The following KSR1 variants were observed in gnomAD, a reference collection of about 807,000 sequenced individuals.
KSR1 encodes kinase suppressor of ras.
In KSR1, 35 loss-of-function variants were observed where a neutral mutation model predicts 92.9. The ratio of observed to expected loss-of-function variants is 0.38; its 90% CI spans 0.29 to 0.50. KSR1 has a LOEUF of 0.50. KSR1 is among the 20% of genes least tolerant of loss of function. The pLI, the probability that KSR1 is intolerant of heterozygous loss-of-function variation, is 0.94. For synonymous variants in KSR1, 467 were observed against 472.6 expected (o/e 0.99, Z 0.15); for missense variants, 972 against 1,158.5 (o/e 0.84, Z 2.34).
At chr17:27,542,292 A>G (rs779314585) in intron 1 of KSR1, among the ~76,000 whole-genome samples, 1 of 152,216 alleles carries the variant, frequency 6.6e-6, no homozygotes, top group Non-Finnish European at 1.5e-5. Flanking sequence ...GCCTGCTACT[A>G]TACATGGGAA....
At chr17:27,593,437 G>A (rs2073235568) in intron 9 of KSR1, among the ~76,000 whole-genome samples, 2 of 152,054 alleles carry the variant, frequency 1.3e-5, no homozygotes, top group Non-Finnish European at 2.9e-5. Flanking sequence ...GGCTTAGCGT[G>A]TGCCCCCCCG....
At chr17:27,619,637 A>G (rs2074163963) in intron 19 of KSR1, among the ~76,000 whole-genome samples, 2 of 151,560 alleles carry the variant, frequency 1.3e-5, no homozygotes, top group South Asian at 4.2e-4. Context: ...ACCTCAGGTG[A>G]TCACCCACCT....
chr17:27,595,563 C>A (rs575285667), intron 9 of KSR1, among the ~76,000 whole-genome samples: 1 of 152,182 alleles, frequency 6.6e-6, no homozygotes, highest in Non-Finnish European at 1.5e-5. Context: ...GCCTCCAAAC[C>A]CAGTGCTCTT....
intron 18 of KSR1, among the ~76,000 whole-genome samples, chr17:27,613,674 C>T (rs755334703): frequency 6.6e-6 from 1 of 152,210 alleles, no homozygotes. Context: ...TCCAGGGACC[C>T]TTCTTTATCT....
intron 1 of KSR1, among the ~76,000 whole-genome samples, chr17:27,490,083 G>A (rs1380588126): frequency 6.6e-6 from 1 of 152,184 alleles, no homozygotes; most frequent in Non-Finnish European, 1.5e-5. Context: ...TGGACTCTGG[G>A]ATGGATTGCC....
intron 2 of KSR1, among the ~76,000 whole-genome samples, chr17:27,573,790 C>G (rs1172121342): frequency 2.0e-5 from 3 of 152,142 alleles, no homozygotes; most frequent in Non-Finnish European, 4.4e-5. Context: ...GTCTCTGAGC[C>G]TCAGTAAGAT....
chr17:27,548,978 A>G (rs1177910135), intron 1 of KSR1, among the ~76,000 whole-genome samples: 2 of 152,260 alleles, frequency 1.3e-5, no homozygotes, highest in Admixed American at 1.3e-4. Flanking sequence ...CCAAAAGTTC[A>G]AAATCCAAAA....
intron 1 of KSR1, among the ~76,000 whole-genome samples, chr17:27,462,984 GT>G (rs2019520774): frequency 6.6e-6 from 1 of 152,240 alleles, no homozygotes; most frequent in African/African-American, 2.4e-5. Context: ...GTTTCCCTGT[GT>G]GGGCCATTCA....
chr17:27,614,839 CT>C (rs554144211), intron 18 of KSR1, among the ~76,000 whole-genome samples: 97 of 152,258 alleles, frequency 6.4e-4, no homozygotes, highest in African/African-American at 2.0e-3. Flanking sequence ...AGTTCCCTTT[CT>C]TTTGTCCAGT....
chr17:27,601,140 A>G, intron 10 of KSR1: 2 of 565,596 alleles, frequency 3.5e-6, no homozygotes, highest in South Asian at 2.3e-5. Flanking sequence ...CCTCCAGTGC[A>G]AGCCCCTTTA....
In KSR1 at chr17:27,468,890, G is replaced by A. The variant is rs192337341; in HGVS notation, c.231+12016G>A. 1.2e-3 allele frequency among the ~76,000 whole-genome samples: 189 copies of A among 152,278 alleles called. 1 individual carries two copies. The Middle Eastern group carries it at 0.024, about 19-fold the overall frequency. On this transcript the variant is annotated intron_variant, in intron 1 of 20. Coordinates refer to ENST00000644974, the MANE Select transcript of KSR1 (RefSeq NM_001394583.1). Reference sequence around the variant, plus strand: ...GACTGAGATGAGAGTTTTTAACGAAGCAGGGCCCCCAGACCCAGCGGAATC... The same window carrying A: ...GACTGAGATGAGAGTTTTTAACGAAACAGGGCCCCCAGACCCAGCGGAATC...
chr17:27,559,828 G>A lies in KSR1; in HGVS notation c.372+9120G>A, dbSNP rs909161850. Among the ~76,000 whole-genome samples the A allele has an allele frequency of 2.6e-5, 4 of 152,244 alleles. No individual in the cohort carries two copies. The highest frequency in any genetic ancestry group is 7.2e-5 in the African/African-American group (3 of 41,472). On this transcript the variant is annotated intron_variant, in intron 2 of 20. Transcript: ENST00000644974. The surrounding 1 kb of genome is among the most constrained non-coding windows in gnomAD (Gnocchi z 4.2). ...GGAAATCAGAGCGCTTGTGAAGCGCGTGAGGAGGAGTCTGTGAGGAGGCTG... is the reference window on the plus strand; with the variant it reads ...GGAAATCAGAGCGCTTGTGAAGCGCATGAGGAGGAGTCTGTGAGGAGGCTG...
intron 1 of KSR1, among the ~76,000 whole-genome samples, chr17:27,462,851 A>G (rs2019513234): frequency 6.6e-6 from 1 of 152,198 alleles, no homozygotes; most frequent in Non-Finnish European, 1.5e-5. Flanking sequence ...ACATGTGTAT[A>G]TTTGTGGCAC....
At position 27,612,186 on chromosome 17, in the gene KSR1, A is replaced by T. The variant is rs566172994; in HGVS notation, c.2493+557A>T. On this transcript the variant is annotated intron_variant, in intron 18 of 20. Transcript: ENST00000644974. The stretch of plus-strand genomic sequence containing the variant: ...TAAGTTTTGTCAGGCTAAATAAGAG[A>T]GAGAGGCTCTCAAAAGATGTTTATT... Among the ~76,000 whole-genome samples the T allele has an allele frequency of 7.6e-4, 116 of 152,338 alleles. 1 individual carries two copies. Among genetic ancestry groups the T allele is most frequent in the African/African-American group, 2.7e-3 (113 of 41,586 alleles).
At chr17:27,543,641 T>C (rs1219169644) in intron 1 of KSR1, among the ~76,000 whole-genome samples, 1 of 152,186 alleles carries the variant, frequency 6.6e-6, no homozygotes, top group East Asian at 1.9e-4. Flanking sequence ...GCCAGAGTCA[T>C]ACCCGAGCAG....
intron 1 of KSR1, among the ~76,000 whole-genome samples, chr17:27,502,346 C>T (rs1398779850): frequency 1.3e-5 from 2 of 152,216 alleles, no homozygotes; most frequent in African/African-American, 4.8e-5. Context: ...GAGGAATCCC[C>T]CAGTGGGTGG....
At chr17:27,514,978 A>T (rs1176220007) in intron 1 of KSR1, among the ~76,000 whole-genome samples, 4 of 152,228 alleles carry the variant, frequency 2.6e-5, no homozygotes. Flanking sequence ...ACTGGATCAC[A>T]TGGCAACCAC....
intron 2 of KSR1, among the ~76,000 whole-genome samples, chr17:27,575,340 T>C (rs1461295097): frequency 1.3e-5 from 2 of 152,164 alleles, no homozygotes; most frequent in African/African-American, 4.8e-5. Flanking sequence ...CTTTAGACCA[T>C]ATAGGGTAAC....
intron 1 of KSR1, among the ~76,000 whole-genome samples, chr17:27,536,627 A>G (rs1358140234): frequency 6.6e-6 from 1 of 152,160 alleles, no homozygotes; most frequent in Non-Finnish European, 1.5e-5. Flanking sequence ...CAGATGCCTG[A>G]GTGTGGCATT....
Sources: gnomAD v4.1 joint callset for allele counts (sites outside exome capture counted in the v4.1 genomes callset) on GRCh38, gnomAD v4.1.1 for gene constraint, Gnocchi (gnomAD v3.1) non-coding constraint, MANE v1.5 for transcripts, NCBI Gene and HGNC (gene_info 2026-07-23, HGNC 2026-07-21) for gene names.